The following NEURL1 variants were observed in gnomAD, a reference collection of about 807,000 sequenced individuals.
The protein encoded by NEURL1 is neuralized E3 ubiquitin protein ligase 1.
A neutral mutation model predicts 41.2 loss-of-function variants in NEURL1; 26 were observed. The observed-to-expected ratio is 0.63, with a 90% CI of 0.46 to 0.87. NEURL1 has a LOEUF of 0.87. Among genes scored for constraint, NEURL1 ranks in the 40% least tolerant of loss-of-function variants. The probability of loss-of-function intolerance (pLI) is 0.00; values close to 1 mark genes in which losing one functional copy is unlikely to be tolerated. For synonymous variants in NEURL1, 400 were observed against 402.3 expected, an observed-to-expected ratio of 0.99 and a Z score of 0.07; for missense variants, 761 against 871.1, an observed-to-expected ratio of 0.87 and a Z score of 1.59.
At chr10:103,571,851 T>C in intron 3 of NEURL1, 29 bp downstream of exon 3, 1 of 1,563,436 alleles carries the variant, frequency 6.4e-7, no homozygotes, top group Non-Finnish European at 8.7e-7. Flanking sequence ...GGCCCCTTGG[T>C]GCAGGGGACA....
At position 103,545,170 on chromosome 10, in the gene NEURL1, G is replaced by T. The variant is rs868791177; in HGVS notation, c.86-25702G>T. Among the ~76,000 whole-genome samples the T allele has an allele frequency of 6.6e-6, 1 of 152,196 alleles. No individual in the cohort carries two copies. Among genetic ancestry groups the T allele is most frequent in the Admixed American group, 6.5e-5 (1 of 15,280 alleles). On this transcript the variant is annotated intron_variant, in intron 1 of 5. Coordinates refer to ENST00000369780, the MANE Select transcript of NEURL1 (RefSeq NM_004210.5). This position sits in a 1 kb window ranked among gnomAD's most constrained non-coding sequence, Gnocchi z 4.5. The stretch of plus-strand genomic sequence containing the variant: ...GCAGGGAACAGCTAGGAGCTAGAGC[G>T]GTGGGTTTCTGTCATTGCAGTCACC...
At chr10:103,538,792 G>A (rs1040629250) in intron 1 of NEURL1, among the ~76,000 whole-genome samples, 1 of 143,970 alleles carries the variant, frequency 6.9e-6, no homozygotes, top group Non-Finnish European at 1.5e-5. Flanking sequence ...GACTACAGGG[G>A]CATGCCACCT....
At chr10:103,527,006 G>T (rs1291536201) in intron 1 of NEURL1, among the ~76,000 whole-genome samples, 6 of 151,776 alleles carry the variant, frequency 4.0e-5, no homozygotes, top group Non-Finnish European at 5.9e-5. Flanking sequence ...AGACAGAGCA[G>T]CCCTGAGGGC....
chr10:103,540,900 A>G (rs2034807723), intron 1 of NEURL1, among the ~76,000 whole-genome samples: 1 of 152,232 alleles, frequency 6.6e-6, no homozygotes, highest in African/African-American at 2.4e-5. Context: ...CATGGGCCAC[A>G]TCAGTCATTT....
At chr10:103,585,531 C>T (rs530130132) in intron 4 of NEURL1, among the ~76,000 whole-genome samples, 24 of 152,254 alleles carry the variant, frequency 1.6e-4, no homozygotes, top group African/African-American at 5.8e-4. Flanking sequence ...AACCCACTGA[C>T]CACTCAAAAA....
Position 103,589,589 on chromosome 10 carries a change from C to A in NEURL1, c.1415C>A (p.Ala472Asp). ...SPASTPTSPSALGSRLSDPLL... is the reference protein window; with the variant it reads ...SPASTPTSPSDLGSRLSDPLL... The stretch of plus-strand genomic sequence containing the variant: ...GCCTCCACGCCAACCTCGCCCAGTG[C>A]CCTGGGCAGCCGCCTGTCTGACCCC... The change falls in exon 5 of 6, where the codon GCC becomes GAC. Residue 472 changes from alanine to aspartate, a missense_variant. By Grantham distance (126) the Ala-to-Asp change is moderately radical. Coordinates refer to ENST00000369780, the MANE Select transcript of NEURL1 (RefSeq NM_004210.5). 1 of 1,613,994 alleles carries A rather than the reference C, an allele frequency of 6.2e-7. No homozygotes were observed. The highest frequency in any genetic ancestry group is 8.5e-7 in the Non-Finnish European group (1 of 1,179,928).
rs1195985222 is a variant in NEURL1 at position 103,586,923 on chromosome 10, C to T, written c.1339+1698C>T. Among the ~76,000 whole-genome samples the T allele has an allele frequency of 3.9e-5, 6 of 152,060 alleles. No individual in the cohort carries two copies. The South Asian group carries it at 6.3e-4, about 16-fold the overall frequency. Reference sequence around the variant, plus strand: ...AAATTTAGCTGGGTGTGGTGGTGCACGCCTGTAAGCCCAGCTACTCGGGAG... The same window carrying T: ...AAATTTAGCTGGGTGTGGTGGTGCATGCCTGTAAGCCCAGCTACTCGGGAG... On this transcript the variant is annotated intron_variant, in intron 4 of 5. Coordinates refer to ENST00000369780, the MANE Select transcript of NEURL1 (RefSeq NM_004210.5).
At chr10:103,537,824 C>A (rs1282116659) in intron 1 of NEURL1, among the ~76,000 whole-genome samples, 3 of 152,136 alleles carry the variant, frequency 2.0e-5, no homozygotes, top group Non-Finnish European at 2.9e-5. Context: ...TCATCAGCAC[C>A]ATGAACTTAG....
chr10:103,500,824 C>T (rs2033806174), intron 1 of NEURL1, among the ~76,000 whole-genome samples: 3 of 152,368 alleles, frequency 2.0e-5, no homozygotes. Context: ...GACCCGCTGA[C>T]TCAGAATATA....
rs144450414 is a variant in NEURL1, at chr10:103,571,756, C to G, written c.583C>G (p.Arg195Gly). The G allele has an allele frequency of 6.2e-6, 10 of 1,614,092 alleles. No homozygotes were observed. The Admixed American group carries it at 1.7e-4, about 27-fold the overall frequency. ...SAVMLFFSGV[R>G]TADPLWALVD... is the part of the protein sequence containing the mutation. ...TGTTATGCTGTTCTTCAGCGGGGTCCGCACGGCCGACCCGCTCTGGGCCCT... is the reference window on the plus strand; with the variant it reads ...TGTTATGCTGTTCTTCAGCGGGGTCGGCACGGCCGACCCGCTCTGGGCCCT... Residue 195 changes from arginine to glycine, a missense_variant, in exon 3 of 6, where the codon CGC becomes GGC. By Grantham distance (125) the Arg-to-Gly change is moderately radical. Around this residue, in one of 5 missense-constraint regions of NEURL1, gnomAD observed 114 missense variants for 144.8 expected, o/e 0.79. Transcript: ENST00000369780.
chr10:103,511,816 C>A (rs972400664), intron 1 of NEURL1: 1 of 152,308 alleles, frequency 6.6e-6, no homozygotes, highest in Non-Finnish European at 1.5e-5. Context: ...CTCTTGCTTA[C>A]TGCTGTATCA....
At chr10:103,518,973 A>G (rs563380885) in intron 1 of NEURL1, among the ~76,000 whole-genome samples, 192 of 152,276 alleles carry the variant, frequency 1.3e-3, no homozygotes, top group African/African-American at 3.7e-3. Context: ...TTATAGGCGC[A>G]GTGTCTCATG....
intron 1 of NEURL1, among the ~76,000 whole-genome samples, chr10:103,552,794 C>T (rs1171572515): frequency 6.6e-6 from 1 of 152,080 alleles, no homozygotes; most frequent in Non-Finnish European, 1.5e-5. Flanking sequence ...GCAGATAGGG[C>T]CCCAGCCAGG....
In NEURL1 at chr10:103,585,056, C is replaced by G. The variant is rs1338752819; in HGVS notation, c.1170C>G (p.Pro390=). The G allele has an allele frequency of 6.3e-7, 1 of 1,589,890 alleles. No individual in the cohort carries two copies. The highest frequency in any genetic ancestry group is 8.5e-7 in the Non-Finnish European group (1 of 1,176,210). Residue 390 remains proline, a synonymous_variant, in exon 4 of 6, where the codon CCC becomes CCG. Coordinates refer to ENST00000369780, the MANE Select transcript of NEURL1 (RefSeq NM_004210.5). ...AATTCTGGGCCGTGTGCCGCGTGCC[C>G]GGGCCCCTGCACAGCGGCGACATCC... ...RKEFWAVCRV[P]GPLHSGDILG...
intron 1 of NEURL1, among the ~76,000 whole-genome samples, chr10:103,509,037 C>T (rs9419953): frequency 0.043 from 6,465 of 152,072 alleles, 454 homozygotes; most frequent in African/African-American, 0.14. Flanking sequence ...GAGACCAGCC[C>T]GGCCAACATG....
intron 1 of NEURL1, among the ~76,000 whole-genome samples, chr10:103,540,874 T>C (rs1201721866): frequency 1.3e-5 from 2 of 152,220 alleles, no homozygotes; most frequent in African/African-American, 2.4e-5. Context: ...TTAGGACAGC[T>C]TCAATATTCA....
intron 1 of NEURL1, among the ~76,000 whole-genome samples, chr10:103,541,476 C>T (rs760958283): frequency 3.9e-5 from 6 of 152,168 alleles, no homozygotes; most frequent in Non-Finnish European, 8.8e-5. Context: ...ATCCTTCAGC[C>T]AGAGCCACAG....
At chr10:103,559,615 A>G (rs2035238266) in intron 1 of NEURL1, among the ~76,000 whole-genome samples, 1 of 152,072 alleles carries the variant, frequency 6.6e-6, no homozygotes, top group East Asian at 1.9e-4. Flanking sequence ...TGGCTGTGTG[A>G]CTTTGGGTCA....
Position 103,585,236 on chromosome 10 carries a change from G to C in NEURL1, c.1339+11G>C, listed in dbSNP as rs766388718. The C allele has an allele frequency of 2.7e-6, 4 of 1,501,092 alleles. No homozygotes were observed. The highest frequency in any genetic ancestry group is 3.6e-6 in the Non-Finnish European group (4 of 1,125,762). The allele number at this position is 1,501,092 out of a possible 1,614,324, so 93.0% of individuals were successfully genotyped here. ...AGATCCGCATCCTCGGTGAGTGCCC[G>C]CAGCTGCGCCTGGGCGTATGCCTTT... is the stretch of plus-strand genomic sequence containing the variant. On this transcript the variant is annotated intron_variant, in intron 4 of 5. Transcript: ENST00000369780.
Sources: gnomAD v4.1 joint callset for allele counts (sites outside exome capture counted in the v4.1 genomes callset) on GRCh38, gnomAD v4.1.1 for gene constraint, gnomAD v4.1.1 regional missense constraint, Gnocchi (gnomAD v3.1) non-coding constraint, MANE v1.5 for transcripts, NCBI Gene and HGNC (gene_info 2026-07-23, HGNC 2026-07-21) for gene names.